Variants in ASIC2 observed in about 807,000 individuals in gnomAD.
ASIC2 encodes the protein acid sensing ion channel subunit 2, also known as acid-sensing ion channel 2.
In ASIC2, 25 loss-of-function variants were observed where a neutral mutation model predicts 57.3. That is an observed-to-expected ratio of 0.44 (90% CI 0.32 to 0.61). ASIC2 has a LOEUF of 0.61. Ranked by LOEUF, ASIC2 falls within the 20% of genes least tolerant of loss-of-function variation. The pLI is 0.06. For synonymous variants in ASIC2, 319 were observed against 307.5 expected (o/e 1.04, Z -0.39); for missense variants, 641 against 738.1 (o/e 0.87, Z 1.52).
intron 1 of ASIC2, among the ~76,000 whole-genome samples, chr17:33,830,069 C>A (rs1026476452): frequency 1.3e-5 from 2 of 152,156 alleles, no homozygotes; most frequent in Non-Finnish European, 2.9e-5. Flanking sequence ...GGCAACTTTT[C>A]CTATAACTGA....
intron 1 of ASIC2, among the ~76,000 whole-genome samples, chr17:33,482,136 A>C (rs1351528703): frequency 6.6e-6 from 1 of 152,162 alleles, no homozygotes; most frequent in Non-Finnish European, 1.5e-5. Context: ...AAATTGGATC[A>C]TGTCACCCAC....
In ASIC2 at chr17:33,231,311, T is replaced by C. The variant is rs796959175; in HGVS notation, c.708+60097A>G. 5.3e-5 allele frequency among the ~76,000 whole-genome samples: 8 copies of C among 152,102 alleles called. 1 individual carries two copies. The highest frequency in any genetic ancestry group is 1.4e-4 in the African/African-American group (6 of 41,492). The stretch of plus-strand genomic sequence containing the variant: ...GGCCTAGGCCTAATATCTGTGGGAG[T>C]TGGCACCCCTTGGAGAGGGAATTCC... On this transcript the variant is annotated intron_variant, in intron 1 of 9. Transcript: ENST00000225823.
intron 1 of ASIC2, among the ~76,000 whole-genome samples, chr17:34,124,172 A>G (rs1266863983): frequency 5.9e-5 from 9 of 152,210 alleles, no homozygotes; most frequent in African/African-American, 4.8e-5. Flanking sequence ...TACAGACAAG[A>G]AGGTTGAGGC....
At chr17:33,405,527 AGGCTGC>A (rs1339470360) in intron 1 of ASIC2, among the ~76,000 whole-genome samples, 1 of 135,800 alleles carries the variant, frequency 7.4e-6, no homozygotes, top group Non-Finnish European at 1.5e-5. Context: ...TCTGTTGCCC[AGGCTGC>A]AGAGCAGTGG....
chr17:33,756,416 A>G (rs1224181506), intron 1 of ASIC2, among the ~76,000 whole-genome samples: 1 of 152,226 alleles, frequency 6.6e-6, no homozygotes, highest in African/African-American at 2.4e-5. Flanking sequence ...GAGTTCAGAA[A>G]TAAGTTCCCA....
At chr17:33,950,873 C>T (rs1373245364) in intron 1 of ASIC2, among the ~76,000 whole-genome samples, 1 of 152,176 alleles carries the variant, frequency 6.6e-6, no homozygotes, top group African/African-American at 2.4e-5. Flanking sequence ...TGCTGGCCTG[C>T]TGGCACCAGC....
At chr17:34,037,798 TGCTTCAGGTGTTACTACCG>T in intron 1 of ASIC2, 2 of 1,614,222 alleles carry the variant, frequency 1.2e-6, no homozygotes, top group Non-Finnish European at 1.7e-6. Flanking sequence ...TCAACGCCTT[TGCTTCAGGTGTTACTACCG>T]GCTTTGGCGG....
chr17:33,890,910 T>C (rs1032752329), intron 1 of ASIC2, among the ~76,000 whole-genome samples: 14 of 29,998 alleles, frequency 4.7e-4, no homozygotes, highest in Non-Finnish European at 7.3e-4. Context: ...CCTGGAGAGC[T>C]TGGTAAGCAG....
intron 1 of ASIC2, among the ~76,000 whole-genome samples, chr17:33,610,074 A>ACACACACACACACACAGATATATG (rs1905352051): frequency 6.6e-6 from 1 of 151,844 alleles, no homozygotes; most frequent in Non-Finnish European, 1.5e-5. Flanking sequence ...ACACACACAC[A>ACACACACACACACACAGATATATG]CACACACACA....
At chr17:33,041,282 T>G (rs189146453) in intron 3 of ASIC2, among the ~76,000 whole-genome samples, 3 of 152,366 alleles carry the variant, frequency 2.0e-5, no homozygotes. Flanking sequence ...TAGACATGGA[T>G]GCACCTTGCA....
At chr17:33,807,681 T>C (rs79871124) in intron 1 of ASIC2, among the ~76,000 whole-genome samples, 7,120 of 152,224 alleles carry the variant, frequency 0.047, 201 homozygotes, top group Middle Eastern at 0.092. Context: ...TCTTCACACA[T>C]ATCCAATCAC....
At chr17:33,237,150 C>T (rs190193627) in intron 1 of ASIC2, among the ~76,000 whole-genome samples, 23 of 152,206 alleles carry the variant, frequency 1.5e-4, no homozygotes, top group East Asian at 9.7e-4. Context: ...GTCCATCATC[C>T]GGGCAGGCCA....
intron 1 of ASIC2, among the ~76,000 whole-genome samples, chr17:33,956,494 C>G (rs1904738968): frequency 6.6e-6 from 1 of 152,194 alleles, no homozygotes. Context: ...TCCATCTCTG[C>G]TTTCCAAGCT....
At chr17:33,583,284 C>T (rs1019084502) in intron 1 of ASIC2, among the ~76,000 whole-genome samples, 3 of 150,546 alleles carry the variant, frequency 2.0e-5, no homozygotes, top group African/African-American at 7.4e-5. Context: ...AAATTGTCCA[C>T]AGCAAACCTT....
intron 1 of ASIC2, among the ~76,000 whole-genome samples, chr17:33,785,278 A>C (rs1185744012): frequency 6.6e-6 from 1 of 152,124 alleles, no homozygotes; most frequent in Admixed American, 6.5e-5. Flanking sequence ...CCCTGCCGAC[A>C]CCTTGAATTC....
intron 1 of ASIC2, among the ~76,000 whole-genome samples, chr17:33,400,474 A>T (rs1323542444): frequency 6.6e-6 from 1 of 152,156 alleles, no homozygotes; most frequent in Non-Finnish European, 1.5e-5. Flanking sequence ...TGGCTGGAGT[A>T]GATTTGTGTC....
At chr17:33,705,882 T>A (rs1270129942) in intron 1 of ASIC2, among the ~76,000 whole-genome samples, 1 of 152,154 alleles carries the variant, frequency 6.6e-6, no homozygotes, top group Non-Finnish European at 1.5e-5. Flanking sequence ...TGCAGTCCAC[T>A]TCACTCATTT....
intron 1 of ASIC2, chr17:33,931,295 T>G (rs1436024430): frequency 6.6e-6 from 1 of 152,242 alleles, no homozygotes; most frequent in Admixed American, 6.5e-5. Flanking sequence ...GGTACGTGAC[T>G]GCGGGCTGCA....
chr17:34,035,169 T>A (rs1461233924), intron 1 of ASIC2, among the ~76,000 whole-genome samples: 2 of 148,020 alleles, frequency 1.4e-5, no homozygotes, highest in African/African-American at 5.2e-5. Flanking sequence ...GAGATATAGA[T>A]CAATGGAACA....
Sources: allele counts gnomAD v4.1 joint callset (sites outside exome capture counted in the v4.1 genomes callset), GRCh38; gene constraint gnomAD v4.1.1; transcripts MANE v1.5; gene names NCBI Gene and HGNC (gene_info 2026-07-23, HGNC 2026-07-21).